The following AFG1L variants were observed in gnomAD, a reference collection of about 807,000 sequenced individuals.
The protein encoded by AFG1L is AFG1 like ATPase, also known as AFG1-like ATPase.
A neutral mutation model predicts 62.2 loss-of-function variants in AFG1L; 53 were observed. The observed-to-expected ratio is 0.85, with a 90% confidence interval of 0.68 to 1.07. The LOEUF (loss-of-function observed/expected upper bound fraction) is 1.07, where lower values mean the gene tolerates loss of function less well. AFG1L is among the 50% of genes least tolerant of loss of function. The probability of loss-of-function intolerance (pLI) is 0.00; values close to 1 mark genes in which losing one functional copy is unlikely to be tolerated. For synonymous variants in AFG1L, 228 were observed against 210.3 expected, an observed-to-expected ratio of 1.08 and a Z score of -0.73; for missense variants, 555 against 590.5, an observed-to-expected ratio of 0.94 and a Z score of 0.62.
chr6:108,338,200 A>C (rs970627131), intron 2 of AFG1L, among the ~76,000 whole-genome samples: 4 of 152,122 alleles, frequency 2.6e-5, no homozygotes, highest in Non-Finnish European at 5.9e-5. Context: ...AAACAAAAGA[A>C]TCATTTTGGA....
Position 108,402,120 on chromosome 6 carries a change from G to A in AFG1L, c.807+66G>A. 4 of 789,906 alleles carry A rather than the reference G, an allele frequency of 5.1e-6. No individual in the cohort carries two copies. The South Asian group carries it at 8.4e-5, about 17-fold the overall frequency. The allele number at this position is 789,906 out of a possible 1,614,324, so 48.9% of individuals were successfully genotyped here. A position where few individuals can be genotyped will look rare whatever the true frequency, so the allele number is the denominator to read the frequency against. On this transcript the variant is annotated intron_variant, in intron 7 of 12. Transcript: ENST00000368977. Reference sequence around the variant, plus strand: ...TTATTGATAATCAAGGGCTTTAGTAGGATTGTCTTAGTCTTGGCATTCAAG... The same window carrying A: ...TTATTGATAATCAAGGGCTTTAGTAAGATTGTCTTAGTCTTGGCATTCAAG...
At position 108,320,834 on chromosome 6, in the gene AFG1L, C is replaced by T. The variant is rs182757059; in HGVS notation, c.140-2991C>T. Among the ~76,000 whole-genome samples, 24 of 152,148 alleles carry T rather than the reference C, an allele frequency of 1.6e-4. No individual in the cohort carries two copies. In the East Asian group the frequency reaches 3.1e-3, roughly 20 times the overall value. ...GGAGGGAATGAATTAGAGAGTATTT[C>T]GCATACAAAATTGAGTAGCATCGAT... is the stretch of plus-strand genomic sequence containing the variant. On this transcript the variant is annotated intron_variant, in intron 1 of 12. Transcript: ENST00000368977.
rs539417537 is a variant in AFG1L at position 108,509,696 on chromosome 6, A to G, written c.1063-516A>G. ...CCTTTTTCACATCACTATTAAGGCA[A>G]CACAGTGTATGTTATCTGTGTCCTT... On this transcript the variant is annotated intron_variant, in intron 10 of 12. Transcript: ENST00000368977. Among the ~76,000 whole-genome samples, 40 of 152,270 alleles carry G rather than the reference A, an allele frequency of 2.6e-4. 2 individuals carry two copies. The South Asian group carries it at 8.1e-3, about 31-fold the overall frequency.
chr6:108,451,654 T>C (rs1562170281), intron 8 of AFG1L, among the ~76,000 whole-genome samples: 2 of 152,198 alleles, frequency 1.3e-5, no homozygotes, highest in Non-Finnish European at 2.9e-5. Context: ...TCCAGTTTTT[T>C]ATTCTGTACT....
chr6:108,493,163 G>T (rs11964326), intron 10 of AFG1L, among the ~76,000 whole-genome samples: 7,049 of 152,206 alleles, frequency 0.046, 395 homozygotes, highest in African/African-American at 0.13. Flanking sequence ...AGGGAGCCGT[G>T]AGAATCAAAA....
chr6:108,306,412 TC>T (rs1487622018), intron 1 of AFG1L, among the ~76,000 whole-genome samples: 1 of 152,234 alleles, frequency 6.6e-6, no homozygotes, highest in Non-Finnish European at 1.5e-5. Context: ...TCATCTTGAA[TC>T]TTTCCTCAGG....
chr6:108,342,878 G>A (rs1030759471), intron 2 of AFG1L, among the ~76,000 whole-genome samples: 4 of 152,052 alleles, frequency 2.6e-5, no homozygotes, highest in African/African-American at 4.8e-5. Flanking sequence ...GATCTTAGAC[G>A]TTTGAGGATC....
intron 1 of AFG1L, among the ~76,000 whole-genome samples, chr6:108,295,468 G>A (rs767178873): frequency 1.3e-5 from 2 of 152,124 alleles, no homozygotes; most frequent in Non-Finnish European, 2.9e-5. Flanking sequence ...TTCCTTCCGG[G>A]ACGTTTAGAG....
Position 108,522,307 on chromosome 6 carries a change from A to T in AFG1L, c.1328A>T (p.Glu443Val). Residue 443 changes from glutamate to valine, a missense_variant, in exon 13 of 13, where the codon GAA becomes GTA. Coordinates refer to ENST00000368977, the MANE Select transcript of AFG1L (RefSeq NM_145315.5). ...DDLGLSQDSA[E>V]GLSMFTGEEE... ...TTGTTTTATAACCAGGATTCAGCAG[A>T]AGGACTCTCCATGTTTACCGGAGAA... 6.2e-7 allele frequency: 1 copy of T among 1,613,402 alleles called. No individual in the cohort carries two copies. Among genetic ancestry groups the T allele is most frequent in the Non-Finnish European group, 8.5e-7 (1 of 1,179,772 alleles).
chr6:108,508,889 G>A lies in AFG1L; in HGVS notation c.1063-1323G>A, dbSNP rs115597311. Among the ~76,000 whole-genome samples, 1,315 of 152,310 alleles carry A rather than the reference G, an allele frequency of 8.6e-3. 29 individuals are homozygous for A. The highest frequency in any genetic ancestry group is 0.029 in the African/African-American group (1,220 of 41,550). ...AATGAGATAGACATTTCTGGACAGG[G>A]AGGAATATTGATGGATTCTGCCAGA... On this transcript the variant is annotated intron_variant, in intron 10 of 12. Coordinates refer to ENST00000368977, the MANE Select transcript of AFG1L (RefSeq NM_145315.5).
intron 10 of AFG1L, among the ~76,000 whole-genome samples, chr6:108,485,985 T>A (rs901791904): frequency 3.3e-5 from 5 of 151,980 alleles, no homozygotes; most frequent in African/African-American, 9.7e-5. Context: ...ATTAATTTTT[T>A]AAAAATAGAA....
At chr6:108,502,009 G>A (rs1029732007) in intron 10 of AFG1L, among the ~76,000 whole-genome samples, 1 of 152,144 alleles carries the variant, frequency 6.6e-6, no homozygotes, top group African/African-American at 2.4e-5. Context: ...TACTGTTATA[G>A]GCTTTTCTTG....
intron 6 of AFG1L, among the ~76,000 whole-genome samples, chr6:108,395,373 T>G (rs1392599218): frequency 6.6e-6 from 1 of 151,442 alleles, no homozygotes; most frequent in Middle Eastern, 3.2e-3. Flanking sequence ...TTATTGAAAA[T>G]TTTTTACTAT....
At chr6:108,355,863 G>A in intron 4 of AFG1L, 108 bp downstream of exon 4, 1 of 777,166 alleles carries the variant, frequency 1.3e-6, no homozygotes, top group Admixed American at 2.6e-5. Context: ...TTTGCTTGCA[G>A]TAAGATTTTA....
At chr6:108,471,145 T>C (rs559813881) in intron 8 of AFG1L, among the ~76,000 whole-genome samples, 2 of 152,318 alleles carry the variant, frequency 1.3e-5, no homozygotes, top group East Asian at 3.9e-4. Flanking sequence ...TTGATCATCT[T>C]CCTAAAAGGT....
chr6:108,305,706 T>TAA (rs2114827124), intron 1 of AFG1L, among the ~76,000 whole-genome samples: 1 of 152,182 alleles, frequency 6.6e-6, no homozygotes, highest in East Asian at 1.9e-4. Flanking sequence ...TTGCTGGGAT[T>TAA]ACAGTCGTGA....
At chr6:108,299,221 A>C (rs1776887141) in intron 1 of AFG1L, among the ~76,000 whole-genome samples, 1 of 151,746 alleles carries the variant, frequency 6.6e-6, no homozygotes, top group African/African-American at 2.4e-5. Flanking sequence ...AGATCACACC[A>C]CTGCGCTCCA....
At chr6:108,495,734 G>A (rs77017550) in intron 10 of AFG1L, among the ~76,000 whole-genome samples, 6,895 of 152,236 alleles carry the variant, frequency 0.045, 228 homozygotes, top group Middle Eastern at 0.1. Flanking sequence ...AATACTCTTT[G>A]CAAAGTCATT....
intron 7 of AFG1L, among the ~76,000 whole-genome samples, chr6:108,407,596 G>T (rs1781913580): frequency 6.6e-6 from 1 of 151,918 alleles, no homozygotes; most frequent in South Asian, 2.1e-4. Flanking sequence ...GAGGCAGGAG[G>T]CTCACACAAG....
Sources: gnomAD v4.1 joint callset for allele counts (sites outside exome capture counted in the v4.1 genomes callset) on GRCh38, gnomAD v4.1.1 for gene constraint, MANE v1.5 for transcripts, NCBI Gene and HGNC (gene_info 2026-07-23, HGNC 2026-07-21) for gene names.